Variants in TSC22D1 observed in about 807,000 individuals in gnomAD.
TSC22D1 encodes TSC22 domain family member 1, also known as TSC22 domain family protein 1.
TSC22D1 carries 9 observed loss-of-function variants against 74.2 expected under a neutral mutation model. The ratio of observed to expected loss-of-function variants is 0.12; its 90% CI spans 0.07 to 0.21. The LOEUF (loss-of-function observed/expected upper bound fraction) is 0.21. Ranked by LOEUF, TSC22D1 falls within the 10% of genes least tolerant of loss-of-function variation. The pLI is 1.00. For synonymous variants in TSC22D1, 586 were observed against 492.5 expected (o/e 1.19, Z -2.51); for missense variants, 1,427 against 1,304.7 (o/e 1.09, Z -1.44).
rs1595183206 is a variant in TSC22D1, at chr13:44,574,524, G to C, written c.1551C>G (p.Leu517=). ...QQQPALQGVT[L]QQMDFGSTGP... ...CAGTGCTACCAAAATCCATCTGTTG[G>C]AGGGTCACACCTTGGAGAGCTGGTT... The change falls in exon 1 of 3, where the codon CTC becomes CTG. Residue 517 remains leucine, a synonymous_variant. Transcript: ENST00000458659. 1.2e-6 allele frequency: 2 copies of C among 1,613,978 alleles called. No individual in the cohort carries two copies. Among genetic ancestry groups the C allele is most frequent in the Non-Finnish European group, 1.7e-6 (2 of 1,180,020 alleles).
rs536344754 is a variant in TSC22D1, at chr13:44,517,123, TA to T, written c.2912+56039del. Among the ~76,000 whole-genome samples the T allele has an allele frequency of 1.4e-4, 22 of 152,298 alleles. No individual in the cohort carries two copies. The South Asian group carries it at 3.7e-3, about 26-fold the overall frequency. ...GTGTATACACATGTATACCTGTATATAAAAATTTGATCTAGATTATATGTGT... is the reference window on the plus strand; with the variant it reads ...GTGTATACACATGTATACCTGTATATAAAATTTGATCTAGATTATATGTGT... On this transcript the variant is annotated intron_variant, in intron 1 of 2. Coordinates refer to ENST00000458659, the MANE Select transcript of TSC22D1 (RefSeq NM_183422.4).
At chr13:44,566,488 C>A (rs1883381639) in intron 1 of TSC22D1, among the ~76,000 whole-genome samples, 1 of 152,126 alleles carries the variant, frequency 6.6e-6, no homozygotes. Context: ...TTATTTCTAA[C>A]AAATATAAAC....
At chr13:44,530,598 T>A (rs1471145264) in intron 1 of TSC22D1, among the ~76,000 whole-genome samples, 1 of 148,910 alleles carries the variant, frequency 6.7e-6, no homozygotes, top group East Asian at 2.0e-4. Context: ...CAGATTGGGA[T>A]AAAACATTTA....
At chr13:44,543,456 TG>T (rs1881606043) in intron 1 of TSC22D1, among the ~76,000 whole-genome samples, 2 of 152,334 alleles carry the variant, frequency 1.3e-5, no homozygotes, top group South Asian at 2.1e-4. Flanking sequence ...CTACATACAT[TG>T]GAAGTATCTT....
chr13:44,512,192 C>T (rs1012350275), intron 1 of TSC22D1, among the ~76,000 whole-genome samples: 3 of 151,992 alleles, frequency 2.0e-5, no homozygotes, highest in South Asian at 2.1e-4. Context: ...GTTTTTGAGA[C>T]GGAGTCTTGC....
rs1398627707 is a variant in TSC22D1, at chr13:44,575,096, T to A, written c.979A>T (p.Asn327Tyr). ...NITAVGSFNP[N>Y]VTSSMLGNVN... The stretch of plus-strand genomic sequence containing the variant: ...TTACCAAGCATGCTGCTTGTCACAT[T>A]AGGATTAAAACTACCCACAGCAGTA... The change falls in exon 1 of 3, where the codon AAT becomes TAT. Residue 327 changes from asparagine to tyrosine, a missense_variant. Transcript: ENST00000458659. 1 of 1,614,194 alleles carries A rather than the reference T, an allele frequency of 6.2e-7. No individual in the cohort carries two copies. The highest frequency in any genetic ancestry group is 8.5e-7 in the Non-Finnish European group (1 of 1,180,036).
At chr13:44,558,265 T>G (rs1882818120) in intron 1 of TSC22D1, among the ~76,000 whole-genome samples, 1 of 152,250 alleles carries the variant, frequency 6.6e-6, no homozygotes, top group African/African-American at 2.4e-5. Context: ...TAGTAGTTAA[T>G]GTGACCAAGG....
At chr13:44,489,957 C>T (rs532666519) in intron 1 of TSC22D1, among the ~76,000 whole-genome samples, 1 of 152,254 alleles carries the variant, frequency 6.6e-6, no homozygotes, top group Non-Finnish European at 1.5e-5. Flanking sequence ...AAAACAGGTA[C>T]AACCACTTTG....
At chr13:44,540,035 T>C in intron 1 of TSC22D1, 1 of 764,662 alleles carries the variant, frequency 1.3e-6, no homozygotes, top group Non-Finnish European at 1.9e-6. Flanking sequence ...AGGAGCTACC[T>C]TTGGGCATAC....
chr13:44,550,576 C>G (rs1442769524), intron 1 of TSC22D1, among the ~76,000 whole-genome samples: 1 of 143,548 alleles, frequency 7.0e-6, no homozygotes, highest in Admixed American at 7.0e-5. Context: ...GAGTGAAACT[C>G]TGTCTCGGGG....
At chr13:44,436,492 G>C in intron 1 of TSC22D1, 1 of 1,611,088 alleles carries the variant, frequency 6.2e-7, no homozygotes, top group Non-Finnish European at 8.5e-7. Flanking sequence ...AACTATCTTA[G>C]CCGACATTTA....
chr13:44,473,721 C>G (rs750753433), intron 1 of TSC22D1, among the ~76,000 whole-genome samples: 1 of 152,092 alleles, frequency 6.6e-6, no homozygotes, highest in Non-Finnish European at 1.5e-5. Flanking sequence ...AAGAACCATG[C>G]AACTGATGGT....
At chr13:44,537,555 T>C (rs1313459127) in intron 1 of TSC22D1, 1 of 985,024 alleles carries the variant, frequency 1.0e-6, no homozygotes, top group Non-Finnish European at 1.2e-6. Context: ...CAAGCAAATA[T>C]CATTTTTAGT....
Position 44,573,621 on chromosome 13 carries a change from C to G in TSC22D1, c.2454G>C (p.Leu818Phe), listed in dbSNP as rs767553331. 1.9e-6 allele frequency: 3 copies of G among 1,614,222 alleles called. No individual in the cohort carries two copies. The highest frequency in any genetic ancestry group is 1.7e-5 in the Admixed American group (1 of 60,028). ...CAGAGGGCAAAGAACTAACTGCAGG[C>G]AACTGCTGTGAAACAATTCCTTGAG... The part of the protein sequence containing the change: ...PVAQGIVSQQ[L>F]PAVSSLPSAS... The change falls in exon 1 of 3, where the codon TTG (leucine) becomes TTC (phenylalanine). Residue 818 changes from leucine to phenylalanine, a missense_variant. Physicochemically the swap from Leu to Phe is conservative, Grantham distance 22. Around this residue, in one of 3 missense-constraint regions of TSC22D1, gnomAD observed 1,343 missense variants for 1,191.5 expected, o/e 1.13. Coordinates refer to ENST00000458659, the MANE Select transcript of TSC22D1 (RefSeq NM_183422.4).
chr13:44,438,224 GA>G (rs1566111372), intron 1 of TSC22D1, among the ~76,000 whole-genome samples: 1 of 152,148 alleles, frequency 6.6e-6, no homozygotes, highest in African/African-American at 2.4e-5. Context: ...AGTACTTGGG[GA>G]GACCTCTCTA....
rs752696971 is a variant in TSC22D1, at chr13:44,574,165, G to A, written c.1910C>T (p.Ser637Phe). The A allele has an allele frequency of 4.3e-6, 7 of 1,614,276 alleles. No homozygotes were observed. The highest frequency in any genetic ancestry group is 5.9e-6 in the Non-Finnish European group (7 of 1,180,048). The change falls in exon 1 of 3, where the codon TCT (serine) becomes TTT (phenylalanine). Residue 637 changes from serine (S) to phenylalanine (F), a missense_variant. Coordinates refer to ENST00000458659, the MANE Select transcript of TSC22D1 (RefSeq NM_183422.4). ...LQYGQQQPMVSTQMAPGHVKS... is the reference protein window; with the variant it reads ...LQYGQQQPMVFTQMAPGHVKS... The stretch of plus-strand genomic sequence containing the variant: ...GACATGGCCTGGGGCCATCTGTGTA[G>A]AAACCATTGGTTGCTGTTGTCCATA...
chr13:44,564,749 AC>A (rs1389195704), intron 1 of TSC22D1, among the ~76,000 whole-genome samples: 2 of 152,194 alleles, frequency 1.3e-5, no homozygotes, highest in African/African-American at 4.8e-5. Context: ...ACTGTAAGAT[AC>A]AATATTAGAA....
At chr13:44,554,721 A>T (rs908263648) in intron 1 of TSC22D1, among the ~76,000 whole-genome samples, 2 of 149,192 alleles carry the variant, frequency 1.3e-5, no homozygotes, top group African/African-American at 4.9e-5. Context: ...AATTTTTCTA[A>T]AATAATTTTT....
At position 44,574,505 on chromosome 13, in the gene TSC22D1, T is replaced by A. The variant is rs1348007854; in HGVS notation, c.1570A>T (p.Ser524Cys). ...GVTLQQMDFG[S>C]TGPQSIPAVS... is the part of the protein sequence containing the mutation. Reference sequence around the variant, plus strand: ...GCTGGAATACTCTGTGGACCAGTGCTACCAAAATCCATCTGTTGGAGGGTC... The same window carrying A: ...GCTGGAATACTCTGTGGACCAGTGCAACCAAAATCCATCTGTTGGAGGGTC... Residue 524 changes from serine to cysteine, a missense_variant, in exon 1 of 3, where the codon AGC becomes TGC. Coordinates refer to ENST00000458659, the MANE Select transcript of TSC22D1 (RefSeq NM_183422.4). 6.2e-7 allele frequency: 1 copy of A among 1,614,204 alleles called. No individual in the cohort carries two copies. The highest frequency in any genetic ancestry group is 1.7e-5 in the Admixed American group (1 of 60,030).
Sources: allele counts gnomAD v4.1 joint callset (sites outside exome capture counted in the v4.1 genomes callset), GRCh38; gene constraint gnomAD v4.1.1; regional missense constraint gnomAD v4.1.1; transcripts MANE v1.5; gene names NCBI Gene and HGNC (gene_info 2026-07-23, HGNC 2026-07-21).